Variants in MTMR7 observed in about 807,000 individuals in gnomAD.
The protein encoded by MTMR7 is myotubularin related protein 7, also known as phosphatidylinositol-3-phosphate phosphatase MTMR7.
In MTMR7, 76 loss-of-function variants were observed where a neutral mutation model predicts 81.2. That is an observed-to-expected ratio of 0.94 (90% CI 0.78 to 1.13). The LOEUF is 1.13. MTMR7 is among the 50% of genes most tolerant of loss of function. The pLI, the probability that MTMR7 is intolerant of heterozygous loss-of-function variation, is 0.00. For synonymous variants in MTMR7, 372 were observed against 289.8 expected (o/e 1.28, Z -2.88); for missense variants, 1,044 against 820.0 (o/e 1.27, Z -3.34).
intron 5 of MTMR7, among the ~76,000 whole-genome samples, chr8:17,342,414 G>A (rs1166821795): frequency 6.6e-6 from 1 of 152,202 alleles, no homozygotes; most frequent in Non-Finnish European, 1.5e-5. Flanking sequence ...ATAATATGGA[G>A]GGGAAAGTTT....
chr8:17,337,143 G>A (rs1376351161), intron 6 of MTMR7, among the ~76,000 whole-genome samples: 1 of 152,114 alleles, frequency 6.6e-6, no homozygotes, highest in African/African-American at 2.4e-5. Flanking sequence ...AGGCCGAGAA[G>A]GGCGGATCAC....
intron 3 of MTMR7, among the ~76,000 whole-genome samples, chr8:17,367,856 C>A (rs1820278410): frequency 6.7e-6 from 1 of 149,544 alleles, no homozygotes; most frequent in Non-Finnish European, 1.5e-5. Flanking sequence ...TCTGCTGATG[C>A]TAAGGTTTGG....
intron 5 of MTMR7, 33 bp downstream of exon 5, chr8:17,348,920 A>G (rs1176089939): frequency 1.2e-6 from 2 of 1,612,910 alleles, no homozygotes; most frequent in Non-Finnish European, 8.5e-7. Flanking sequence ...TAGAAAAGCA[A>G]AGTGTAAAAC....
intron 3 of MTMR7, among the ~76,000 whole-genome samples, chr8:17,370,470 A>G (rs1194810325): frequency 7.0e-6 from 1 of 142,802 alleles, no homozygotes; most frequent in Non-Finnish European, 1.5e-5. Flanking sequence ...CAGTGAGCTG[A>G]GATTGCACCA....
At chr8:17,386,681 A>C (rs953786602) in intron 1 of MTMR7, among the ~76,000 whole-genome samples, 1 of 152,124 alleles carries the variant, frequency 6.6e-6, no homozygotes. Context: ...CTCCTGCCAC[A>C]TCCATGGCCA....
intron 3 of MTMR7, among the ~76,000 whole-genome samples, chr8:17,361,936 T>C (rs944108429): frequency 6.6e-6 from 1 of 152,194 alleles, no homozygotes; most frequent in East Asian, 1.9e-4. Flanking sequence ...GTGGTTTCTT[T>C]CAATCCTGTC....
intron 7 of MTMR7, among the ~76,000 whole-genome samples, chr8:17,329,190 T>A (rs1262154489): frequency 6.6e-6 from 1 of 152,202 alleles, no homozygotes; most frequent in Non-Finnish European, 1.5e-5. Flanking sequence ...TCATATCTCT[T>A]TGATGCCAAG....
chr8:17,299,597 G>C lies in MTMR7; in HGVS notation c.*265C>G, dbSNP rs1816963453. ...ACTTCAGGTAATGACAGAAGTAATTGCTCTGCAGTGAATATAATTTTCATA... is the reference window on the plus strand; with the variant it reads ...ACTTCAGGTAATGACAGAAGTAATTCCTCTGCAGTGAATATAATTTTCATA... On this transcript the variant is annotated 3_prime_UTR_variant, in exon 14 of 14. Coordinates refer to ENST00000180173, the MANE Select transcript of MTMR7 (RefSeq NM_004686.5). The C allele has an allele frequency of 1.1e-5, 5 of 440,422 alleles. No individual in the cohort carries two copies. Among genetic ancestry groups the C allele is most frequent in the African/African-American group, 2.0e-5 (1 of 50,870 alleles). 27.3% of individuals were successfully genotyped at this position (440,422 alleles called of 1,614,324 possible). A position where few individuals can be genotyped will look rare whatever the true frequency, so the allele number is the denominator to read the frequency against.
At chr8:17,309,252 C>T (rs200485558) in intron 10 of MTMR7, 25 bp downstream of exon 10, 29 of 1,427,606 alleles carry the variant, frequency 2.0e-5, no homozygotes, top group Non-Finnish European at 2.8e-5. Context: ...TCTAAACATT[C>T]AAAACAGTCT....
At chr8:17,328,410 G>A (rs989032167) in intron 7 of MTMR7, among the ~76,000 whole-genome samples, 7 of 152,060 alleles carry the variant, frequency 4.6e-5, no homozygotes, top group Middle Eastern at 3.2e-3. Context: ...GCTCTTCTAC[G>A]GACTGTTTTA....
intron 7 of MTMR7, among the ~76,000 whole-genome samples, chr8:17,325,068 C>T (rs1300642406): frequency 3.9e-5 from 6 of 152,056 alleles, no homozygotes; most frequent in Admixed American, 3.3e-4. Flanking sequence ...AATTAGCCAG[C>T]ACTCCATAAA....
chr8:17,358,847 A>T (rs1358085570), intron 4 of MTMR7, among the ~76,000 whole-genome samples: 1 of 152,184 alleles, frequency 6.6e-6, no homozygotes. Context: ...TAAGGATACT[A>T]TATCAAGAAT....
At chr8:17,381,541 G>A (rs10088157) in intron 1 of MTMR7, among the ~76,000 whole-genome samples, 15,271 of 152,148 alleles carry the variant, frequency 0.1, 2,170 homozygotes, top group African/African-American at 0.32. Flanking sequence ...AAGTTGCTCC[G>A]TAGGATGAGG....
chr8:17,310,500 CAGG>C (rs1345391674), intron 9 of MTMR7, among the ~76,000 whole-genome samples: 2 of 152,116 alleles, frequency 1.3e-5, no homozygotes, highest in East Asian at 1.9e-4. Context: ...CGCATGTGTG[CAGG>C]AGAAGAGCCT....
chr8:17,310,363 A>C (rs988255337), intron 9 of MTMR7, among the ~76,000 whole-genome samples: 7 of 152,172 alleles, frequency 4.6e-5, no homozygotes, highest in African/African-American at 1.7e-4. Flanking sequence ...CCAATGCTTT[A>C]AAGTGGCCAG....
At chr8:17,379,632 G>C (rs1820699148) in intron 1 of MTMR7, among the ~76,000 whole-genome samples, 1 of 152,110 alleles carries the variant, frequency 6.6e-6, no homozygotes, top group African/African-American at 2.4e-5. Context: ...TTAAAACTAG[G>C]AAACATGTAC....
chr8:17,408,455 T>A (rs1290738714), intron 1 of MTMR7, among the ~76,000 whole-genome samples: 1 of 151,488 alleles, frequency 6.6e-6, no homozygotes, highest in Non-Finnish European at 1.5e-5. Context: ...TTCAGAAGAC[T>A]TCCTTTCTTT....
At chr8:17,379,931 G>T (rs188855361) in intron 1 of MTMR7, among the ~76,000 whole-genome samples, 8 of 152,284 alleles carry the variant, frequency 5.3e-5, no homozygotes, top group Admixed American at 5.2e-4. Flanking sequence ...AAAATCTTCA[G>T]AACAGTTGGC....
chr8:17,408,488 G>A (rs55650668), intron 1 of MTMR7, among the ~76,000 whole-genome samples: 5,772 of 151,408 alleles, frequency 0.038, 330 homozygotes, highest in African/African-American at 0.12. Context: ...CTTTGGCGAC[G>A]TGATGAAGGA....
Sources: gnomAD v4.1 joint callset for allele counts (sites outside exome capture counted in the v4.1 genomes callset) on GRCh38, gnomAD v4.1.1 for gene constraint, MANE v1.5 for transcripts, NCBI Gene and HGNC (gene_info 2026-07-23, HGNC 2026-07-21) for gene names.